Variants in TRAF3 observed in about 807,000 individuals in gnomAD.
TRAF3 encodes TNF receptor-associated factor 3.
Under a neutral mutation model 62.3 loss-of-function variants are expected in TRAF3, and 13 were observed. The ratio of observed to expected loss-of-function variants is 0.21; its 90% CI spans 0.14 to 0.33. The LOEUF (loss-of-function observed/expected upper bound fraction) is 0.33. Among genes scored for constraint, TRAF3 ranks in the 10% least tolerant of loss-of-function variants. The pLI, the probability that TRAF3 is intolerant of heterozygous loss-of-function variation, is 1.00. For missense variants in TRAF3, 440 were observed against 741.8 expected (o/e 0.59, Z 4.73); for synonymous variants, 269 against 283.4 (o/e 0.95, Z 0.51).
At chr14:102,890,846 T>TA in intron 8 of TRAF3, among the ~76,000 whole-genome samples, 1 of 152,360 alleles carries the variant, frequency 6.6e-6, no homozygotes, top group Non-Finnish European at 1.5e-5. Context: ...AATACATTAA[T>TA]ACTTTAGTAA....
At chr14:102,825,397 C>CTG in intron 1 of TRAF3, among the ~76,000 whole-genome samples, 1 of 152,232 alleles carries the variant, frequency 6.6e-6, no homozygotes, top group Non-Finnish European at 1.5e-5. Context: ...TGGAAGGGTC[C>CTG]TGTGGTGTGC....
chr14:102,795,561 C>T (rs1898026301), intron 1 of TRAF3, among the ~76,000 whole-genome samples: 1 of 137,838 alleles, frequency 7.3e-6, no homozygotes, highest in African/African-American at 2.5e-5. Flanking sequence ...TATATACACA[C>T]ACATATATAC....
intron 1 of TRAF3, among the ~76,000 whole-genome samples, chr14:102,779,664 A>G (rs1379684018): frequency 6.6e-6 from 1 of 152,228 alleles, no homozygotes; most frequent in African/African-American, 2.4e-5. Flanking sequence ...TTAGGTGAGA[A>G]TGATTGATCA....
chr14:102,812,471 T>C (rs990577306), intron 1 of TRAF3, among the ~76,000 whole-genome samples: 1 of 152,230 alleles, frequency 6.6e-6, no homozygotes, highest in African/African-American at 2.4e-5. Flanking sequence ...TATAGATGTC[T>C]CTTTGATGTC....
intron 2 of TRAF3, among the ~76,000 whole-genome samples, chr14:102,831,302 G>A (rs1039797827): frequency 1.8e-4 from 27 of 152,272 alleles, no homozygotes; most frequent in Admixed American, 6.5e-5. Flanking sequence ...AACCCATGTC[G>A]CCCACACAGG....
chr14:102,869,096 C>T (rs1407495442), intron 2 of TRAF3, among the ~76,000 whole-genome samples: 3 of 152,236 alleles, frequency 2.0e-5, no homozygotes, highest in African/African-American at 4.8e-5. Flanking sequence ...CCCTCATGCA[C>T]ACAGGGAGCC....
At chr14:102,820,573 C>CATATATATGTATAT (rs1899839118) in intron 1 of TRAF3, among the ~76,000 whole-genome samples, 3 of 23,594 alleles carry the variant, frequency 1.3e-4, no homozygotes, top group African/African-American at 4.2e-4. Context: ...ATGGGACCAG[C>CATATATATGTATAT]ATATATATAT....
chr14:102,890,996 T>C (rs984604285), intron 8 of TRAF3, among the ~76,000 whole-genome samples: 1 of 152,224 alleles, frequency 6.6e-6, no homozygotes, highest in Non-Finnish European at 1.5e-5. Context: ...AAGAATGAGT[T>C]TAAAATTTAA....
intron 3 of TRAF3, among the ~76,000 whole-genome samples, chr14:102,870,717 G>T (rs1888292882): frequency 6.6e-6 from 1 of 152,112 alleles, no homozygotes; most frequent in Non-Finnish European, 1.5e-5. Context: ...ATGTGTTGCT[G>T]TATTTTATTG....
chr14:102,870,152 A>G, intron 2 of TRAF3, 33 bp from the exon 3 acceptor site: 1 of 1,613,832 alleles, frequency 6.2e-7, no homozygotes, highest in Non-Finnish European at 8.5e-7. Context: ...GCATGAGAGG[A>G]TATGATGGCA....
At chr14:102,895,225 A>G (rs1334003184) in intron 9 of TRAF3, 2 of 396,316 alleles carry the variant, frequency 5.0e-6, no homozygotes, top group Non-Finnish European at 5.1e-6. Context: ...GAGTTCATGG[A>G]CGTATGAGGC....
In TRAF3 at chr14:102,782,657, A is replaced by G. The variant is rs1018761464; in HGVS notation, c.-157+4982A>G. On this transcript the variant is annotated intron_variant, in intron 1 of 11. Coordinates refer to ENST00000392745, the MANE Select transcript of TRAF3 (RefSeq NM_145725.3). The stretch of plus-strand genomic sequence containing the variant: ...TGGGGGCCCTACATTTCATTTCACA[A>G]TTTACTTTTTTACTACGATTTGTTC... Among the ~76,000 whole-genome samples, 8 of 151,922 alleles carry G rather than the reference A, an allele frequency of 5.3e-5. No individual in the cohort carries two copies. The South Asian group carries it at 6.2e-4, about 12-fold the overall frequency.
Position 102,792,113 on chromosome 14 carries a change from C to CTTTTTTTTTTTTTTTTTTTTTTT in TRAF3, c.-157+14443_-157+14465dup, listed in dbSNP as rs35895214. ...ACAGGTGCGAGCCACTGTGCCTGGACTTTTTTTTTTTTTTTTTTTTTTTTT... is the reference window on the plus strand; with the variant it reads ...ACAGGTGCGAGCCACTGTGCCTGGACTTTTTTTTTTTTTTTTTTTTTTTTTTTTTTTTTTTTTTTTTTTTTTTT... On this transcript the variant is annotated intron_variant, in intron 1 of 11. Transcript: ENST00000392745. Among the ~76,000 whole-genome samples the CTTTTTTTTTTTTTTTTTTTTTTT allele has an allele frequency of 1.2e-4, 12 of 97,702 alleles. 6 individuals are homozygous for CTTTTTTTTTTTTTTTTTTTTTTT. The highest frequency in any genetic ancestry group is 2.2e-4 in the Admixed American group (2 of 9,054). 64.1% of individuals were successfully genotyped at this position (97,702 alleles called of 152,430 possible). A position where few individuals can be genotyped will look rare whatever the true frequency, so the allele number is the denominator to read the frequency against.
chr14:102,884,524 T>G (rs1434800404), intron 6 of TRAF3, among the ~76,000 whole-genome samples: 3 of 152,118 alleles, frequency 2.0e-5, no homozygotes, highest in African/African-American at 7.2e-5. Context: ...AAAAATATGC[T>G]TAAGACTGGG....
chr14:102,895,509 C>A (rs957715163), intron 9 of TRAF3, among the ~76,000 whole-genome samples: 1 of 152,204 alleles, frequency 6.6e-6, no homozygotes, highest in Non-Finnish European at 1.5e-5. Context: ...CGGGCCATCA[C>A]CTTTGTGACC....
chr14:102,849,930 C>T (rs941454761), intron 2 of TRAF3, among the ~76,000 whole-genome samples: 6 of 152,202 alleles, frequency 3.9e-5, no homozygotes, highest in African/African-American at 1.2e-4. Context: ...TGCTTTTCTC[C>T]ATGTGTGTCG....
At chr14:102,788,382 C>T (rs1490647816) in intron 1 of TRAF3, among the ~76,000 whole-genome samples, 1 of 152,140 alleles carries the variant, frequency 6.6e-6, no homozygotes, top group Non-Finnish European at 1.5e-5. Flanking sequence ...AAAAATCAGG[C>T]CAGGCATGGT....
chr14:102,829,655 C>T (rs1054325340), intron 1 of TRAF3, among the ~76,000 whole-genome samples: 1 of 152,178 alleles, frequency 6.6e-6, no homozygotes, highest in East Asian at 1.9e-4. Flanking sequence ...TTTCCGGTAA[C>T]ACTTGCTAGG....
At chr14:102,796,896 C>T (rs895181481) in intron 1 of TRAF3, among the ~76,000 whole-genome samples, 1 of 152,238 alleles carries the variant, frequency 6.6e-6, no homozygotes, top group African/African-American at 2.4e-5. Flanking sequence ...GGGACAGAAT[C>T]ATTGCTCTCG....
Sources: gnomAD v4.1 joint callset for allele counts (sites outside exome capture counted in the v4.1 genomes callset) on GRCh38, gnomAD v4.1.1 for gene constraint, MANE v1.5 for transcripts, NCBI Gene and HGNC (gene_info 2026-07-23, HGNC 2026-07-21) for gene names.